The following CNTNAP5 variants were observed in gnomAD, a reference collection of about 807,000 sequenced individuals.
CNTNAP5 encodes contactin-associated protein-like 5.
CNTNAP5 carries 72 observed loss-of-function variants against 150.2 expected under a neutral mutation model. That is an observed-to-expected ratio of 0.48 (90% CI 0.40 to 0.58). The LOEUF (loss-of-function observed/expected upper bound fraction) is 0.58. Ranked by LOEUF, CNTNAP5 falls within the 20% of genes least tolerant of loss-of-function variation. The probability of loss-of-function intolerance (pLI) is 0.00; values close to 1 mark genes in which losing one functional copy is unlikely to be tolerated. For synonymous variants in CNTNAP5, 672 were observed against 619.8 expected, an observed-to-expected ratio of 1.08 and a Z score of -1.25; for missense variants, 1,636 against 1,626.2, an observed-to-expected ratio of 1.01 and a Z score of -0.10.
intron 7 of CNTNAP5, among the ~76,000 whole-genome samples, chr2:124,478,411 C>A (rs1415929078): frequency 2.0e-5 from 3 of 152,008 alleles, no homozygotes; most frequent in African/African-American, 7.2e-5. Flanking sequence ...AGGTAGGCAA[C>A]CTTAGTTTTA....
intron 6 of CNTNAP5, among the ~76,000 whole-genome samples, chr2:124,460,588 C>T (rs982697572): frequency 6.6e-6 from 1 of 152,036 alleles, no homozygotes; most frequent in African/African-American, 2.4e-5. Flanking sequence ...TAGCATTTTG[C>T]CTGACATATA....
At chr2:124,463,371 G>A (rs892211063) in intron 6 of CNTNAP5, among the ~76,000 whole-genome samples, 1 of 152,170 alleles carries the variant, frequency 6.6e-6, no homozygotes, top group African/African-American at 2.4e-5. Flanking sequence ...AGGAACTGTA[G>A]GCCTGGCATT....
chr2:124,604,489 G>A (rs1287309113), intron 11 of CNTNAP5, among the ~76,000 whole-genome samples: 2 of 152,134 alleles, frequency 1.3e-5, no homozygotes, highest in East Asian at 3.9e-4. Context: ...GCACCCTAGG[G>A]AAACATTTCA....
intron 1 of CNTNAP5, among the ~76,000 whole-genome samples, chr2:124,039,952 C>T (rs1681322705): frequency 6.6e-6 from 1 of 151,918 alleles, no homozygotes; most frequent in South Asian, 2.1e-4. Context: ...GCTATGTAAA[C>T]CACTTGTTCT....
rs375598524 is a variant in CNTNAP5 at position 124,307,284 on chromosome 2, T to C, written c.381+64891T>C. Among the ~76,000 whole-genome samples the C allele has an allele frequency of 7.2e-5, 11 of 152,274 alleles. No homozygotes were observed. The East Asian group carries it at 1.5e-3, about 21-fold the overall frequency. On this transcript the variant is annotated intron_variant, in intron 3 of 23. Transcript: ENST00000682447. ...GAGAGAGATCTTGTGTCTCTTCCTCTTTCATAAGGACACAATCCTATCATG... is the reference window on the plus strand; with the variant it reads ...GAGAGAGATCTTGTGTCTCTTCCTCCTTCATAAGGACACAATCCTATCATG...
intron 11 of CNTNAP5, among the ~76,000 whole-genome samples, chr2:124,591,739 C>A (rs1187153677): frequency 1.3e-5 from 2 of 152,112 alleles, no homozygotes; most frequent in Non-Finnish European, 2.9e-5. Flanking sequence ...GTCTTCTCTA[C>A]CTCTGCAGAA....
intron 13 of CNTNAP5, among the ~76,000 whole-genome samples, chr2:124,734,022 G>A (rs2105130231): frequency 6.6e-6 from 1 of 152,240 alleles, no homozygotes; most frequent in East Asian, 1.9e-4. Flanking sequence ...ACACCACATA[G>A]CAATGTGCTA....
intron 4 of CNTNAP5, among the ~76,000 whole-genome samples, chr2:124,423,823 C>A (rs1692176789): frequency 7.1e-6 from 1 of 141,724 alleles, no homozygotes; most frequent in African/African-American, 2.6e-5. Flanking sequence ...CGCTACCACG[C>A]CCGGCTAATT....
intron 21 of CNTNAP5, among the ~76,000 whole-genome samples, chr2:124,873,085 C>A (rs1168167591): frequency 1.3e-5 from 2 of 151,996 alleles, no homozygotes; most frequent in African/African-American, 4.8e-5. Context: ...GTTCTACAAG[C>A]TGTATAAGAA....
chr2:124,090,315 T>A (rs1267591924), intron 1 of CNTNAP5, among the ~76,000 whole-genome samples: 1 of 152,230 alleles, frequency 6.6e-6, no homozygotes, highest in Non-Finnish European at 1.5e-5. Context: ...GGGGAGGATA[T>A]TGCTTTTCTT....
chr2:124,426,155 T>G (rs999554634), intron 4 of CNTNAP5, among the ~76,000 whole-genome samples: 1 of 152,244 alleles, frequency 6.6e-6, no homozygotes, highest in Non-Finnish European at 1.5e-5. Flanking sequence ...TGATTTTTTT[T>G]TGTACTATGA....
intron 11 of CNTNAP5, among the ~76,000 whole-genome samples, chr2:124,581,457 T>C (rs1158039740): frequency 6.6e-6 from 1 of 152,138 alleles, no homozygotes; most frequent in East Asian, 1.9e-4. Context: ...TACTAAGAAA[T>C]CAAAGCTCTT....
At chr2:124,074,933 G>A (rs1179965870) in intron 1 of CNTNAP5, among the ~76,000 whole-genome samples, 1 of 152,032 alleles carries the variant, frequency 6.6e-6, no homozygotes, top group African/African-American at 2.4e-5. Flanking sequence ...TACGTAGTTT[G>A]ATTTAATCTT....
At chr2:124,573,820 A>T (rs1049131309) in intron 11 of CNTNAP5, among the ~76,000 whole-genome samples, 1 of 152,196 alleles carries the variant, frequency 6.6e-6, no homozygotes, top group Non-Finnish European at 1.5e-5. Flanking sequence ...CAGACAAATT[A>T]TTTAACTTCT....
intron 14 of CNTNAP5, 72 bp from the exon 15 acceptor site, chr2:124,763,600 A>T: frequency 6.8e-7 from 1 of 1,462,996 alleles, no homozygotes; most frequent in Non-Finnish European, 9.3e-7. Context: ...TTCTGAAAAG[A>T]GGGGTCATGG....
intron 14 of CNTNAP5, among the ~76,000 whole-genome samples, chr2:124,761,192 A>G (rs1309329620): frequency 6.6e-6 from 1 of 152,110 alleles, no homozygotes; most frequent in Non-Finnish European, 1.5e-5. Flanking sequence ...TATTGTGACT[A>G]AAACCCACCA....
intron 21 of CNTNAP5, among the ~76,000 whole-genome samples, chr2:124,893,267 C>T (rs1334726310): frequency 6.6e-6 from 1 of 152,032 alleles, no homozygotes; most frequent in Non-Finnish European, 1.5e-5. Flanking sequence ...GGCAGAGTAA[C>T]ACAGAAGATG....
chr2:124,752,266 G>T (rs1320879158), intron 14 of CNTNAP5, among the ~76,000 whole-genome samples: 1 of 151,970 alleles, frequency 6.6e-6, no homozygotes. Flanking sequence ...TGTTGCCCAG[G>T]CTGTTCTTGA....
intron 3 of CNTNAP5, among the ~76,000 whole-genome samples, chr2:124,408,149 C>A (rs1287212737): frequency 6.6e-6 from 1 of 152,304 alleles, no homozygotes; most frequent in South Asian, 2.1e-4. Context: ...TCGGGTCACT[C>A]CCACCCGAAT....
Sources: gnomAD v4.1 joint callset for allele counts (sites outside exome capture counted in the v4.1 genomes callset) on GRCh38, gnomAD v4.1.1 for gene constraint, MANE v1.5 for transcripts, NCBI Gene and HGNC (gene_info 2026-07-23, HGNC 2026-07-21) for gene names.